RANBP2: variants seen among roughly 807,000 people sequenced by gnomAD.
RANBP2 encodes the protein E3 SUMO-protein ligase RanBP2.
RANBP2 carries 57 observed loss-of-function variants against 303.6 expected under a neutral mutation model. That is an observed-to-expected ratio of 0.19 (90% CI 0.15 to 0.23). The LOEUF is 0.23. RANBP2 is among the 10% of genes least tolerant of loss of function. The probability of loss-of-function intolerance (pLI) is 1.00; values close to 1 mark genes in which losing one functional copy is unlikely to be tolerated. For missense variants in RANBP2, 3,138 were observed against 3,780.8 expected (o/e 0.83, Z 4.46); for synonymous variants, 1,167 against 1,301.5 (o/e 0.90, Z 2.23).
chr2:108,970,540 C>G, the RANBP2 span, among the ~76,000 whole-genome samples: 2 of 151,920 alleles, frequency 1.3e-5, no homozygotes, highest in African/African-American at 2.4e-5. Context: ...GCCCAGGGAG[C>G]CTGACTGGGC....
chr2:109,365,396 C>T, the RANBP2 span, among the ~76,000 whole-genome samples: 1 of 152,204 alleles, frequency 6.6e-6, no homozygotes, highest in African/African-American at 2.4e-5. Context: ...GAGGCTGCTG[C>T]TTGGGGATTT....
the RANBP2 span, among the ~76,000 whole-genome samples, chr2:109,724,663 G>A: frequency 6.6e-6 from 1 of 152,140 alleles, no homozygotes; most frequent in African/African-American, 2.4e-5. Context: ...GAGCTGGCAA[G>A]GCACCTGCAG....
the RANBP2 span, among the ~76,000 whole-genome samples, chr2:109,090,132 C>T: frequency 8.6e-5 from 13 of 151,970 alleles, no homozygotes; most frequent in African/African-American, 2.4e-4. Context: ...AGAGGAAATG[C>T]GCAGAGGAGT....
chr2:109,203,311 G>A, the RANBP2 span, among the ~76,000 whole-genome samples: 2 of 152,352 alleles, frequency 1.3e-5, no homozygotes, highest in Admixed American at 6.5e-5. Flanking sequence ...TCAGGTGGAC[G>A]CAGCAGACAG....
chr2:109,111,624 T>G, the RANBP2 span, among the ~76,000 whole-genome samples: 1 of 151,970 alleles, frequency 6.6e-6, no homozygotes, highest in East Asian at 1.9e-4. Flanking sequence ...TTTTTTAATT[T>G]TTAAAATTTT....
At chr2:108,952,686 T>C in the RANBP2 span, among the ~76,000 whole-genome samples, 15 of 152,250 alleles carry the variant, frequency 9.9e-5, no homozygotes, top group African/African-American at 3.6e-4. Context: ...AATTCCAACA[T>C]CCGGATTATC....
At chr2:109,104,855 G>A in the RANBP2 span, among the ~76,000 whole-genome samples, 1 of 152,202 alleles carries the variant, frequency 6.6e-6, no homozygotes, top group African/African-American at 2.4e-5. Flanking sequence ...AAAGCTTGCT[G>A]TTGACTAGAT....
At chr2:109,626,185 T>C in the RANBP2 span, among the ~76,000 whole-genome samples, 3 of 152,132 alleles carry the variant, frequency 2.0e-5, no homozygotes, top group Non-Finnish European at 4.4e-5. Context: ...AACATCCAAA[T>C]GCCCCTGAGA....
chr2:109,568,890 G>A, the RANBP2 span, among the ~76,000 whole-genome samples: 1 of 152,144 alleles, frequency 6.6e-6, no homozygotes, highest in Admixed American at 6.5e-5. Flanking sequence ...ATGATGCAAA[G>A]GAATAACTTT....
chr2:108,788,924 G>T (rs1461072950), downstream of RANBP2: 1 of 1,614,124 alleles, frequency 6.2e-7, no homozygotes, highest in South Asian at 1.1e-5. Flanking sequence ...AAGCATTGTA[G>T]AACACCATTG....
the RANBP2 span, among the ~76,000 whole-genome samples, chr2:109,038,223 G>T: frequency 1.1e-4 from 16 of 152,172 alleles, no homozygotes. Context: ...GGAGAAATTG[G>T]ACATCCATAG....
At chr2:109,613,544 G>A in the RANBP2 span, 1 of 250,314 alleles carries the variant, frequency 4.0e-6, no homozygotes, top group East Asian at 8.8e-5. Context: ...AGTCGTTCAA[G>A]AACTCTCCCA....
the RANBP2 span, among the ~76,000 whole-genome samples, chr2:108,902,573 G>C: frequency 4.6e-5 from 7 of 152,008 alleles, no homozygotes; most frequent in African/African-American, 1.7e-4. Context: ...ACCAGACAAA[G>C]ACAAAAAACA....
chr2:108,813,266 A>AAAAAAAG, the RANBP2 span, among the ~76,000 whole-genome samples: 1 of 150,922 alleles, frequency 6.6e-6, no homozygotes. Flanking sequence ...AAAAAAAAAA[A>AAAAAAAG]AAAAAAGAAA....
chr2:109,035,479 A>G, the RANBP2 span, among the ~76,000 whole-genome samples: 1 of 150,472 alleles, frequency 6.6e-6, no homozygotes, highest in Non-Finnish European at 1.5e-5. Flanking sequence ...TTTCCTTATC[A>G]CCCCCCACCC....
chr2:109,263,663 C>A, the RANBP2 span, among the ~76,000 whole-genome samples: 1 of 152,150 alleles, frequency 6.6e-6, no homozygotes, highest in East Asian at 1.9e-4. Context: ...AGAGACTGTA[C>A]TATTAATAGA....
the RANBP2 span, among the ~76,000 whole-genome samples, chr2:109,152,735 G>A: frequency 1.3e-5 from 2 of 152,206 alleles, no homozygotes; most frequent in Non-Finnish European, 2.9e-5. Context: ...AACTTGAGTA[G>A]GCATGGGCAG....
At chr2:108,777,072 A>C in intron 24 of RANBP2, 58 bp from the exon 25 acceptor site, 23 of 1,445,876 alleles carry the variant, frequency 1.6e-5, no homozygotes, top group Non-Finnish European at 1.9e-5. Context: ...GTCCTGGGGT[A>C]AAGCTTTGAT....
At chr2:109,420,986 C>T in the RANBP2 span, among the ~76,000 whole-genome samples, 1 of 152,170 alleles carries the variant, frequency 6.6e-6, no homozygotes, top group African/African-American at 2.4e-5. Flanking sequence ...AGGCTACTTC[C>T]AGATGCCTTG....
Sources: gnomAD v4.1 joint callset for allele counts (sites outside exome capture counted in the v4.1 genomes callset) on GRCh38, gnomAD v4.1.1 for gene constraint, MANE v1.5 for transcripts, NCBI Gene and HGNC (gene_info 2026-07-23, HGNC 2026-07-21) for gene names.